Variants in VEZT observed in about 807,000 individuals in gnomAD.
The protein encoded by VEZT is vezatin.
In VEZT, 39 loss-of-function variants were observed where a neutral mutation model predicts 79.9. The observed-to-expected ratio is 0.49, with a 90% CI of 0.38 to 0.64. VEZT has a LOEUF of 0.64. VEZT is among the 30% of genes least tolerant of loss of function. The probability of loss-of-function intolerance (pLI) is 0.00; values close to 1 mark genes in which losing one functional copy is unlikely to be tolerated. For missense variants in VEZT, 837 were observed against 893.1 expected, an observed-to-expected ratio of 0.94 and a Z score of 0.80; for synonymous variants, 325 against 327.6, an observed-to-expected ratio of 0.99 and a Z score of 0.09.
At chr12:95,226,769 C>A (rs964040357) in intron 1 of VEZT, among the ~76,000 whole-genome samples, 6 of 152,066 alleles carry the variant, frequency 3.9e-5, no homozygotes, top group Non-Finnish European at 7.4e-5. Flanking sequence ...AGTGAAGTGC[C>A]CAGGCCCAAT....
intron 1 of VEZT, among the ~76,000 whole-genome samples, chr12:95,237,801 G>C (rs2060395258): frequency 6.6e-6 from 1 of 151,880 alleles, no homozygotes; most frequent in African/African-American, 2.4e-5. Flanking sequence ...CTTTATATTA[G>C]CCTTAGGCTA....
intron 1 of VEZT, among the ~76,000 whole-genome samples, chr12:95,223,831 A>C (rs1006241493): frequency 2.6e-5 from 4 of 152,084 alleles, no homozygotes; most frequent in Non-Finnish European, 5.9e-5. Context: ...ATTTTTTTAA[A>C]ATTTCTACTT....
intron 9 of VEZT, among the ~76,000 whole-genome samples, chr12:95,290,310 C>T (rs925188798): frequency 2.6e-5 from 4 of 152,122 alleles, no homozygotes; most frequent in African/African-American, 7.2e-5. Flanking sequence ...ATCATTCCTA[C>T]GTATTTAACC....
At chr12:95,262,050 C>G (rs2138369200) in intron 3 of VEZT, among the ~76,000 whole-genome samples, 1 of 152,358 alleles carries the variant, frequency 6.6e-6, no homozygotes, top group East Asian at 1.9e-4. Context: ...CCTGTACCAT[C>G]CCACTTCTCC....
chr12:95,299,151 A>G (rs1009790555), intron 11 of VEZT: 3 of 154,552 alleles, frequency 1.9e-5, no homozygotes, highest in African/African-American at 7.2e-5. Flanking sequence ...TGCTGTGGCC[A>G]TTTTTTTTCT....
chr12:95,277,367 G>A (rs2139080522), intron 7 of VEZT, among the ~76,000 whole-genome samples: 1 of 152,146 alleles, frequency 6.6e-6, no homozygotes, highest in South Asian at 2.1e-4. Flanking sequence ...GCTACAGCTT[G>A]CCCGTGAAAA....
In VEZT at chr12:95,249,564, A is replaced by C. The variant is rs371536358; in HGVS notation, c.37-2376A>C. 7.2e-5 allele frequency among the ~76,000 whole-genome samples: 11 copies of C among 152,364 alleles called. No individual in the cohort carries two copies. In the South Asian group the frequency reaches 2.3e-3, roughly 32 times the overall value. The stretch of plus-strand genomic sequence containing the variant: ...AAAAAAGAGATTAAACATAGCTTAA[A>C]AGAAAGGCATTTGACTCAATTCCTG... On this transcript the variant is annotated intron_variant, in intron 1 of 11. Coordinates refer to ENST00000436874, the MANE Select transcript of VEZT (RefSeq NM_017599.4).
Position 95,238,151 on chromosome 12 carries a change from A to G in VEZT, c.37-13789A>G, listed in dbSNP as rs1385576146. 1.1e-4 allele frequency among the ~76,000 whole-genome samples: 16 copies of G among 152,312 alleles called. No individual in the cohort carries two copies. The East Asian group carries it at 3.1e-3, about 29-fold the overall frequency. On this transcript the variant is annotated intron_variant, in intron 1 of 11. Coordinates refer to ENST00000436874, the MANE Select transcript of VEZT (RefSeq NM_017599.4). ...ACATCTCAATTTTTCTCAAAGAGAC[A>G]ATTTTATATTATAGTTTAAAAGTAT...
chr12:95,289,721 T>A (rs1246330502), intron 9 of VEZT, among the ~76,000 whole-genome samples: 1 of 152,238 alleles, frequency 6.6e-6, no homozygotes, highest in Non-Finnish European at 1.5e-5. Context: ...AAATGTTCAT[T>A]TGAATATTTT....
rs1390645316 is a variant in VEZT at position 95,301,342 on chromosome 12, C to G, written c.*669C>G. The stretch of plus-strand genomic sequence containing the variant: ...TTTTTAGAATTACACTTTCACCTTT[C>G]TTTTTGCAATTGAAAGTGATGATGT... On this transcript the variant is annotated 3_prime_UTR_variant, in exon 12 of 12. Coordinates refer to ENST00000436874, the MANE Select transcript of VEZT (RefSeq NM_017599.4). The G allele has an allele frequency of 6.6e-6, 1 of 152,080 alleles. No homozygotes were observed. Among genetic ancestry groups the G allele is most frequent in the Non-Finnish European group, 1.5e-5 (1 of 68,000 alleles). 9.4% of individuals were successfully genotyped at this position (152,080 alleles called of 1,614,324 possible). A position where few individuals can be genotyped will look rare whatever the true frequency, so the allele number is the denominator to read the frequency against.
Position 95,217,886 on chromosome 12 carries a change from G to C in VEZT, c.36G>C (p.Glu12Asp). 4 of 1,519,184 alleles carry C rather than the reference G, an allele frequency of 2.6e-6. No homozygotes were observed. Among genetic ancestry groups the C allele is most frequent in the Non-Finnish European group, 3.5e-6 (4 of 1,137,782 alleles). 94.1% of individuals were successfully genotyped at this position (1,519,184 alleles called of 1,614,324 possible). The change falls in exon 1 of 12, where the codon GAG (glutamate) becomes GAC (aspartate). Residue 12 changes from glutamate (E) to aspartate (D), a missense_variant and splice_region_variant. Coordinates refer to ENST00000436874, the MANE Select transcript of VEZT (RefSeq NM_017599.4). ...AGTTTGACGAAGAGGTGGTTTTTGA[G>C]GTAAGAGGAAAATGGCGGTGGGTGT... ...TPEFDEEVVF[E>D]NSPLYQYLQD...
At chr12:95,266,224 T>G in intron 4 of VEZT, 133 bp from the exon 5 acceptor site, 1 of 1,037,722 alleles carries the variant, frequency 9.6e-7, no homozygotes, top group Non-Finnish European at 1.4e-6. Context: ...ATTTTTAAGT[T>G]ATGCTTTACA....
At position 95,296,227 on chromosome 12, in the gene VEZT, G is replaced by C. The variant is rs1255525847; in HGVS notation, c.1800G>C (p.Gln600His). Residue 600 changes from glutamine to histidine, a missense_variant, in exon 11 of 12, where the codon CAG becomes CAC. Physicochemically the swap from Gln to His is conservative, Grantham distance 24. Coordinates refer to ENST00000436874, the MANE Select transcript of VEZT (RefSeq NM_017599.4). ...LGFKASEAERQKWKQLLFSDH... is the reference protein window; with the variant it reads ...LGFKASEAERHKWKQLLFSDH... ...TTAAAGCTTCAGAGGCAGAAAGGCAGAAGTGGAAGCAACTTCTATTTAGTG... is the reference window on the plus strand; with the variant it reads ...TTAAAGCTTCAGAGGCAGAAAGGCACAAGTGGAAGCAACTTCTATTTAGTG... 2 of 1,587,236 alleles carry C rather than the reference G, an allele frequency of 1.3e-6. No homozygotes were observed. Among genetic ancestry groups the C allele is most frequent in the Non-Finnish European group, 1.7e-6 (2 of 1,165,898 alleles).
intron 1 of VEZT, among the ~76,000 whole-genome samples, chr12:95,226,262 A>G (rs1406203730): frequency 6.6e-6 from 1 of 152,126 alleles, no homozygotes; most frequent in Non-Finnish European, 1.5e-5. Context: ...GAAATTTCAG[A>G]TGTAGCTTTC....
chr12:95,294,163 A>G lies in VEZT; in HGVS notation c.1523-109A>G. The G allele has an allele frequency of 2.7e-5, 22 of 820,606 alleles. No homozygotes were observed. The South Asian group carries it at 3.5e-4, about 13-fold the overall frequency. The allele number at this position is 820,606 out of a possible 1,614,324, so 50.8% of individuals were successfully genotyped here. A position where few individuals can be genotyped will look rare whatever the true frequency, so the allele number is the denominator to read the frequency against. On this transcript the variant is annotated intron_variant, in intron 9 of 11. Transcript: ENST00000436874. ...CAGCCTCCCGAAGTGCTGGGATTAC[A>G]GGCATGAGCCACCACACCTGGCCCC...
At chr12:95,235,364 G>T (rs1329664686) in intron 1 of VEZT, among the ~76,000 whole-genome samples, 4 of 135,294 alleles carry the variant, frequency 3.0e-5, no homozygotes, top group Non-Finnish European at 6.4e-5. Context: ...AGGGGCGGCC[G>T]GGCAGAGGCG....
chr12:95,224,701 A>G (rs780417416), intron 1 of VEZT, among the ~76,000 whole-genome samples: 1 of 152,168 alleles, frequency 6.6e-6, no homozygotes, highest in Non-Finnish European at 1.5e-5. Flanking sequence ...TTGATTACTC[A>G]GCCAGTGGAA....
intron 1 of VEZT, among the ~76,000 whole-genome samples, chr12:95,232,157 T>G (rs1049970198): frequency 6.6e-6 from 1 of 152,360 alleles, no homozygotes; most frequent in Admixed American, 6.5e-5. Flanking sequence ...AGCTTTAAGC[T>G]ATATTCAAAG....
At chr12:95,276,259 CTTTTTTT>C (rs35034660) in intron 7 of VEZT, among the ~76,000 whole-genome samples, 154 of 75,156 alleles carry the variant, frequency 2.0e-3, no homozygotes, top group Non-Finnish European at 2.3e-3. Flanking sequence ...TAATTTTTTT[CTTTTTTT>C]TTTTTTTTTT....
Sources: allele counts gnomAD v4.1 joint callset (sites outside exome capture counted in the v4.1 genomes callset), GRCh38; gene constraint gnomAD v4.1.1; transcripts MANE v1.5; gene names NCBI Gene and HGNC (gene_info 2026-07-23, HGNC 2026-07-21).